Variants in MCM9 observed in about 807,000 individuals in gnomAD.
MCM9 encodes DNA helicase MCM9.
A neutral mutation model predicts 72.8 loss-of-function variants in MCM9; 55 were observed. The ratio of observed to expected loss-of-function variants is 0.76; its 90% CI spans 0.61 to 0.95. The LOEUF (loss-of-function observed/expected upper bound fraction) is 0.95, where lower values mean the gene tolerates loss of function less well. MCM9 is among the 40% of genes least tolerant of loss of function. The pLI, the probability that MCM9 is intolerant of heterozygous loss-of-function variation, is 0.00. For synonymous variants in MCM9, 480 were observed against 503.4 expected (o/e 0.95, Z 0.62); for missense variants, 1,279 against 1,377.0 (o/e 0.93, Z 1.13).
intron 8 of MCM9, among the ~76,000 whole-genome samples, chr6:118,872,099 C>A (rs1483091720): frequency 6.6e-6 from 1 of 152,114 alleles, no homozygotes; most frequent in Non-Finnish European, 1.5e-5. Context: ...GGGTGGATCA[C>A]GAGGTCAGGA....
At chr6:118,904,449 C>T (rs539934730) in intron 8 of MCM9, among the ~76,000 whole-genome samples, 1 of 152,326 alleles carries the variant, frequency 6.6e-6, no homozygotes, top group African/African-American at 2.4e-5. Context: ...AGCTAATTTG[C>T]TGGGACTTGA....
At chr6:118,824,063 TTTTTTTTA>T (rs1774002378) in intron 13 of MCM9, among the ~76,000 whole-genome samples, 1 of 114,098 alleles carries the variant, frequency 8.8e-6, no homozygotes, top group African/African-American at 3.4e-5. Flanking sequence ...TTTTTTTTTT[TTTTTTTTA>T]GACAGAGTCT....
chr6:118,894,224 T>C (rs1018739356), intron 8 of MCM9: 26 of 1,414,576 alleles, frequency 1.8e-5, no homozygotes, highest in South Asian at 1.1e-4. Context: ...TTTAGTGAAA[T>C]AGGAAAGCTG....
At chr6:118,874,896 C>T (rs962016687) in intron 8 of MCM9, among the ~76,000 whole-genome samples, 52 of 152,268 alleles carry the variant, frequency 3.4e-4, no homozygotes, top group African/African-American at 1.3e-3. Context: ...GGTGGATCAC[C>T]TGAGGTCAGG....
chr6:118,922,412 G>A (rs764705418), intron 4 of MCM9, among the ~76,000 whole-genome samples: 56 of 152,004 alleles, frequency 3.7e-4, no homozygotes, highest in Non-Finnish European at 6.6e-4. Flanking sequence ...TTTCCTGATC[G>A]CTAATCAAAA....
At chr6:118,890,586 A>G (rs1336465076) in intron 8 of MCM9, among the ~76,000 whole-genome samples, 1 of 152,242 alleles carries the variant, frequency 6.6e-6, no homozygotes, top group East Asian at 1.9e-4. Context: ...ATCTTTGACT[A>G]TTTCTCACAG....
chr6:118,865,871 A>G (rs937374467), intron 8 of MCM9, among the ~76,000 whole-genome samples: 7 of 152,200 alleles, frequency 4.6e-5, no homozygotes, highest in Non-Finnish European at 1.0e-4. Flanking sequence ...GTGGACATAC[A>G]ATGGGCCCAC....
intron 1 of MCM9, among the ~76,000 whole-genome samples, chr6:118,933,313 C>T (rs1782594223): frequency 6.6e-6 from 1 of 151,928 alleles, no homozygotes; most frequent in Admixed American, 6.6e-5. Flanking sequence ...TCCTGGCTAA[C>T]ACGGTGAAAT....
chr6:118,852,117 T>A (rs1430471250), intron 9 of MCM9, among the ~76,000 whole-genome samples: 1 of 152,148 alleles, frequency 6.6e-6, no homozygotes, highest in Non-Finnish European at 1.5e-5. Context: ...AGCACGTTAC[T>A]GTACTGAATA....
chr6:118,871,822 G>A (rs1777617686), intron 8 of MCM9, among the ~76,000 whole-genome samples: 1 of 152,040 alleles, frequency 6.6e-6, no homozygotes, highest in South Asian at 2.1e-4. Context: ...CAGGAGAATG[G>A]TTTGAGCCTG....
chr6:118,900,968 C>G, intron 8 of MCM9: 1 of 969,554 alleles, frequency 1.0e-6, no homozygotes, highest in East Asian at 2.4e-5. Context: ...TATCCCTTTC[C>G]TTTTGGGTTA....
chr6:118,879,354 T>C (rs1778141418), intron 8 of MCM9, among the ~76,000 whole-genome samples: 1 of 152,096 alleles, frequency 6.6e-6, no homozygotes, highest in South Asian at 2.1e-4. Flanking sequence ...GAAAGATATT[T>C]TGTTCAAACA....
intron 9 of MCM9, among the ~76,000 whole-genome samples, chr6:118,830,390 G>C (rs1258037578): frequency 6.6e-6 from 1 of 152,122 alleles, no homozygotes; most frequent in Non-Finnish European, 1.5e-5. Context: ...AGTGGCACAA[G>C]AAGACACTGA....
At chr6:118,843,186 T>C (rs1775507420) in intron 9 of MCM9, among the ~76,000 whole-genome samples, 1 of 152,178 alleles carries the variant, frequency 6.6e-6, no homozygotes, top group African/African-American at 2.4e-5. Flanking sequence ...AGGTAAGGTA[T>C]GTGCCACCCA....
intron 8 of MCM9, among the ~76,000 whole-genome samples, chr6:118,857,521 A>G (rs941469385): frequency 2.6e-5 from 4 of 151,650 alleles, no homozygotes; most frequent in African/African-American, 9.7e-5. Context: ...ATTCTTGGAT[A>G]TTTAAATAAA....
At chr6:118,862,129 A>AG (rs1776943734) in intron 8 of MCM9, among the ~76,000 whole-genome samples, 1 of 152,192 alleles carries the variant, frequency 6.6e-6, no homozygotes, top group Admixed American at 6.5e-5. Context: ...AGGAGTGGGG[A>AG]AAGGCCAGGG....
At chr6:118,872,667 A>T (rs1186965313) in intron 8 of MCM9, among the ~76,000 whole-genome samples, 1 of 152,146 alleles carries the variant, frequency 6.6e-6, no homozygotes, top group Non-Finnish European at 1.5e-5. Flanking sequence ...AAAAACCTAA[A>T]AAAAAACACA....
At chr6:118,825,570 G>A (rs966096532) in intron 13 of MCM9, among the ~76,000 whole-genome samples, 1 of 152,122 alleles carries the variant, frequency 6.6e-6, no homozygotes, top group Admixed American at 6.5e-5. Flanking sequence ...CACTGATCAT[G>A]AAGACACCAA....
intron 8 of MCM9, 194 bp downstream of exon 8, chr6:118,911,456 C>T (rs961395678): frequency 2.3e-5 from 30 of 1,298,284 alleles, no homozygotes; most frequent in Non-Finnish European, 2.7e-5. Context: ...AACTAAGATG[C>T]AAAGTGAAGG....
Sources: allele counts gnomAD v4.1 joint callset (sites outside exome capture counted in the v4.1 genomes callset), GRCh38; gene constraint gnomAD v4.1.1; transcripts MANE v1.5; gene names NCBI Gene and HGNC (gene_info 2026-07-23, HGNC 2026-07-21).